The following RBFOX1 variants were observed in gnomAD, a reference collection of about 807,000 sequenced individuals.
RBFOX1 encodes RNA binding fox-1 homolog 1.
RBFOX1 carries 8 observed loss-of-function variants against 57.7 expected under a neutral mutation model. The ratio of observed to expected loss-of-function variants is 0.14; its 90% confidence interval spans 0.08 to 0.25. The LOEUF is 0.25. Among genes scored for constraint, RBFOX1 ranks in the 10% least tolerant of loss-of-function variants. RBFOX1 has a pLI of 1.00. For missense variants in RBFOX1, 611 were observed against 548.5 expected (o/e 1.11, Z -1.14); for synonymous variants, 326 against 222.4 (o/e 1.47, Z -4.15).
chr16:5,261,948 T>A (rs1403337922), intron 1 of RBFOX1, among the ~76,000 whole-genome samples: 1 of 152,238 alleles, frequency 6.6e-6, no homozygotes, highest in African/African-American at 2.4e-5. Context: ...ATGTGCTATA[T>A]TCCATGAGAT....
chr16:6,945,123 G>C (rs568653612), intron 3 of RBFOX1, among the ~76,000 whole-genome samples: 1 of 152,100 alleles, frequency 6.6e-6, no homozygotes, highest in African/African-American at 2.4e-5. Context: ...CTAGGGTCAC[G>C]CAGAGGTAGG....
intron 3 of RBFOX1, among the ~76,000 whole-genome samples, chr16:5,661,708 T>C (rs1448306179): frequency 1.3e-5 from 2 of 152,210 alleles, no homozygotes; most frequent in Non-Finnish European, 2.9e-5. Flanking sequence ...AAGTCTGCTG[T>C]CTTATCAAAT....
At chr16:7,438,560 C>T (rs1483841948) in intron 4 of RBFOX1, among the ~76,000 whole-genome samples, 2 of 152,186 alleles carry the variant, frequency 1.3e-5, no homozygotes, top group African/African-American at 2.4e-5. Context: ...AGACTCCTCA[C>T]TCATTTGTAA....
Position 7,711,741 on chromosome 16 carries a change from A to G in RBFOX1, c.*996A>G, listed in dbSNP as rs1053999313. 2.0e-5 allele frequency: 3 copies of G among 152,690 alleles called. No homozygotes were observed. The highest frequency in any genetic ancestry group is 4.4e-5 in the Non-Finnish European group (3 of 68,050). The allele number at this position is 152,690 out of a possible 1,614,324, so 9.5% of individuals were successfully genotyped here. A position where few individuals can be genotyped will look rare whatever the true frequency, so the allele number is the denominator to read the frequency against. The stretch of plus-strand genomic sequence containing the variant: ...TATGAAGCTTTAGTTTTAGCCTAGT[A>G]GAACAACTGTTAGAGACAGACGTAT... On this transcript the variant is annotated 3_prime_UTR_variant, in exon 16 of 16. Coordinates refer to ENST00000550418, the MANE Select transcript of RBFOX1 (RefSeq NM_018723.4).
intron 3 of RBFOX1, among the ~76,000 whole-genome samples, chr16:5,811,395 G>T (rs915586539): frequency 6.6e-6 from 1 of 151,510 alleles, no homozygotes; most frequent in Non-Finnish European, 1.5e-5. Flanking sequence ...CGCCTGCCTC[G>T]GCCTCTCAAA....
At chr16:7,557,395 G>A (rs531490539) in intron 5 of RBFOX1, among the ~76,000 whole-genome samples, 15 of 152,078 alleles carry the variant, frequency 9.9e-5, no homozygotes, top group Middle Eastern at 3.4e-3. Flanking sequence ...CAACGTGGGC[G>A]GATCACTTGA....
chr16:6,335,945 A>C (rs1203725422), intron 2 of RBFOX1, among the ~76,000 whole-genome samples: 6 of 150,314 alleles, frequency 4.0e-5, no homozygotes, highest in Admixed American at 2.0e-4. Flanking sequence ...CACAGTAGGC[A>C]GTGGGTGAGA....
chr16:6,505,833 C>G (rs2096073721), intron 2 of RBFOX1, among the ~76,000 whole-genome samples: 1 of 152,116 alleles, frequency 6.6e-6, no homozygotes, highest in Non-Finnish European at 1.5e-5. Context: ...CAAATGTATC[C>G]AGGTCCTACT....
chr16:6,232,347 C>G (rs574162977), intron 1 of RBFOX1, among the ~76,000 whole-genome samples: 2 of 152,150 alleles, frequency 1.3e-5, no homozygotes, highest in African/African-American at 4.8e-5. Flanking sequence ...GCAGCTAATT[C>G]TCAAAGAAGG....
At chr16:6,840,932 C>T (rs1250820979) in intron 3 of RBFOX1, among the ~76,000 whole-genome samples, 2 of 150,768 alleles carry the variant, frequency 1.3e-5, no homozygotes, top group East Asian at 2.0e-4. Context: ...GACCCCTCAC[C>T]GCTTTAATCA....
intron 2 of RBFOX1, among the ~76,000 whole-genome samples, chr16:6,575,265 A>G (rs369114548): frequency 6.6e-5 from 10 of 152,300 alleles, no homozygotes; most frequent in African/African-American, 2.2e-4. Flanking sequence ...TCTAAAGGCA[A>G]TGATGTGCTT....
chr16:5,946,352 TC>T lies in RBFOX1; in HGVS notation c.351+79018del, dbSNP rs2059399920. Among the ~76,000 whole-genome samples the T allele has an allele frequency of 6.6e-6, 1 of 152,192 alleles. No individual in the cohort carries two copies. Among genetic ancestry groups the T allele is most frequent in the Non-Finnish European group, 1.5e-5 (1 of 68,044 alleles). On this transcript the variant is annotated intron_variant, in intron 4 of 19. Coordinates refer to the RBFOX1 transcript ENST00000641259. The surrounding 1 kb of genome is among the most constrained non-coding windows in gnomAD (Gnocchi z 4.6). ...GTGAGTGTGTCTTCAATGATTTACT[TC>T]TCCATTCCTTTTCTTTTCGTTTGCT...
chr16:6,999,433 T>G (rs938142900), intron 3 of RBFOX1, among the ~76,000 whole-genome samples: 28 of 151,108 alleles, frequency 1.9e-4, no homozygotes, highest in Non-Finnish European at 3.8e-4. Context: ...CTGATTTTTT[T>G]TAATTTTTAT....
chr16:6,966,113 G>A (rs1416483435), intron 3 of RBFOX1, among the ~76,000 whole-genome samples: 2 of 152,046 alleles, frequency 1.3e-5, no homozygotes, highest in African/African-American at 4.8e-5. Flanking sequence ...CATAGACTGG[G>A]GGCCTAAAAA....
At chr16:7,219,934 A>C (rs2092594884) in intron 4 of RBFOX1, among the ~76,000 whole-genome samples, 1 of 152,204 alleles carries the variant, frequency 6.6e-6, no homozygotes. Context: ...AGGGTTTAGT[A>C]GCTATTTAGG....
At chr16:6,095,469 C>T (rs886108165) in intron 1 of RBFOX1, among the ~76,000 whole-genome samples, 1 of 152,146 alleles carries the variant, frequency 6.6e-6, no homozygotes, top group Non-Finnish European at 1.5e-5. Context: ...GTCCCAGCAT[C>T]TTCTTTTCAC....
At chr16:6,913,471 G>C (rs80301461) in intron 3 of RBFOX1, among the ~76,000 whole-genome samples, 1 of 152,136 alleles carries the variant, frequency 6.6e-6, no homozygotes, top group South Asian at 2.1e-4. Flanking sequence ...TGTTGCCATC[G>C]GCCTTCTTCA....
intron 14 of RBFOX1, among the ~76,000 whole-genome samples, chr16:7,682,141 G>C (rs1211251371): frequency 6.6e-6 from 1 of 152,090 alleles, no homozygotes; most frequent in East Asian, 1.9e-4. Context: ...TATAAAATTA[G>C]AACAATAGCA....
chr16:7,667,326 A>G (rs10492760), intron 13 of RBFOX1, among the ~76,000 whole-genome samples: 21,036 of 152,260 alleles, frequency 0.14, 1,912 homozygotes, highest in East Asian at 0.37. Context: ...TTTGATGACC[A>G]TAAGTTTAAG....
Sources: allele counts gnomAD v4.1 joint callset (sites outside exome capture counted in the v4.1 genomes callset), GRCh38; gene constraint gnomAD v4.1.1; non-coding constraint Gnocchi (gnomAD v3.1); transcripts MANE v1.5; gene names NCBI Gene and HGNC (gene_info 2026-07-23, HGNC 2026-07-21).